Variants in CAPN9 observed in about 807,000 individuals in gnomAD.
CAPN9 encodes the protein calpain 9, also known as calpain-9.
Under a neutral mutation model 92.8 loss-of-function variants are expected in CAPN9, and 81 were observed. The observed-to-expected ratio is 0.87, with a 90% CI of 0.73 to 1.05. CAPN9 has a LOEUF of 1.05. Among genes scored for constraint, CAPN9 ranks in the 50% least tolerant of loss-of-function variants. The pLI, the probability that CAPN9 is intolerant of heterozygous loss-of-function variation, is 0.00. For missense variants in CAPN9, 848 were observed against 866.2 expected (o/e 0.98, Z 0.26); for synonymous variants, 304 against 328.0 (o/e 0.93, Z 0.79).
intron 11 of CAPN9, among the ~76,000 whole-genome samples, 187 bp downstream of exon 11, chr1:230,780,895 C>T (rs1667173874): frequency 6.7e-6 from 1 of 150,192 alleles, no homozygotes; most frequent in East Asian, 1.9e-4. Flanking sequence ...AATGAAGTTT[C>T]ACTCTTGTTG....
rs560253000 is a variant in CAPN9, at chr1:230,767,793, G to A, written c.705+84G>A. The A allele has an allele frequency of 5.4e-5, 71 of 1,309,898 alleles. No individual in the cohort carries two copies. In the East Asian group the frequency reaches 1.6e-3, roughly 30 times the overall value. 81.1% of individuals were successfully genotyped at this position (1,309,898 alleles called of 1,614,324 possible). Reference sequence around the variant, plus strand: ...AGGCACTATGCTGGGGCTGTACCAGGTACCCCAGCCACACCCAAGGAGGGG... The same window carrying A: ...AGGCACTATGCTGGGGCTGTACCAGATACCCCAGCCACACCCAAGGAGGGG... On this transcript the variant is annotated intron_variant, in intron 5 of 19. Transcript: ENST00000271971.
chr1:230,795,135 TC>T (rs763518465), intron 17 of CAPN9, 27 bp from the exon 18 acceptor site: 1 of 1,435,728 alleles, frequency 7.0e-7, no homozygotes, highest in South Asian at 1.1e-5. Context: ...ATACAGCGAG[TC>T]CTGGGTCTCC....
intron 7 of CAPN9, among the ~76,000 whole-genome samples, chr1:230,772,488 G>A (rs894133387): frequency 3.9e-5 from 6 of 152,060 alleles, no homozygotes; most frequent in Non-Finnish European, 7.4e-5. Flanking sequence ...TGTGTATTTG[G>A]AGTGTCGGAA....
chr1:230,785,438 G>C (rs1474403048), intron 11 of CAPN9, among the ~76,000 whole-genome samples: 3 of 152,158 alleles, frequency 2.0e-5, no homozygotes, highest in African/African-American at 7.2e-5. Context: ...GGGGCTTGAT[G>C]GGAGGTGTTT....
intron 16 of CAPN9, 55 bp from the exon 17 acceptor site, chr1:230,792,795 C>G (rs1293475345): frequency 1.4e-6 from 2 of 1,459,162 alleles, no homozygotes; most frequent in Admixed American, 1.7e-5. Context: ...TTACTGCCAT[C>G]AGCGATGCCT....
At chr1:230,754,083 G>T (rs992458061) in intron 1 of CAPN9, among the ~76,000 whole-genome samples, 5 of 151,646 alleles carry the variant, frequency 3.3e-5, no homozygotes, top group African/African-American at 4.9e-5. Flanking sequence ...AGTGGGCGCC[G>T]TGGGTGAGGC....
chr1:230,772,226 C>G, intron 7 of CAPN9, 127 bp downstream of exon 7: 1 of 751,804 alleles, frequency 1.3e-6, no homozygotes, highest in South Asian at 1.7e-5. Flanking sequence ...GATCCTGTCC[C>G]GATTCTGAGG....
At chr1:230,785,910 C>T (rs1667549986) in intron 11 of CAPN9, 71 bp from the exon 12 acceptor site, 6 of 1,413,368 alleles carry the variant, frequency 4.2e-6, no homozygotes, top group Non-Finnish European at 5.0e-6. Context: ...AGGCTCTGGG[C>T]TCTTCAGCTC....
At chr1:230,792,568 C>T in intron 16 of CAPN9, 74 bp downstream of exon 16, 5 of 1,149,486 alleles carry the variant, frequency 4.3e-6, no homozygotes, top group Admixed American at 1.7e-5. Context: ...TAAAATGGTG[C>T]AGCAGGCTGC....
At chr1:230,795,063 T>TAGAA in intron 17 of CAPN9, 100 bp from the exon 18 acceptor site, 1 of 741,896 alleles carries the variant, frequency 1.3e-6, no homozygotes, top group Non-Finnish European at 2.4e-6. Context: ...CTTCCTCTTC[T>TAGAA]GAGCCCTCTC....
At chr1:230,786,581 G>C (rs1667601129) in intron 12 of CAPN9, among the ~76,000 whole-genome samples, 1 of 152,122 alleles carries the variant, frequency 6.6e-6, no homozygotes, top group African/African-American at 2.4e-5. Flanking sequence ...AAGGTTGTGG[G>C]TTTTGCAGCC....
At chr1:230,750,547 G>GT (rs59631080) in intron 1 of CAPN9, among the ~76,000 whole-genome samples, 4,796 of 152,290 alleles carry the variant, frequency 0.031, 248 homozygotes, top group African/African-American at 0.11. Flanking sequence ...AGGGAGCCGG[G>GT]GGGTAGCGGG....
At chr1:230,801,023 C>G (rs533449860) in intron 19 of CAPN9, among the ~76,000 whole-genome samples, 1 of 152,308 alleles carries the variant, frequency 6.6e-6, no homozygotes, top group South Asian at 2.1e-4. Context: ...CATATAATCA[C>G]GTTGCCCCAA....
At position 230,762,691 on chromosome 1, in the gene CAPN9, T is replaced by C; in HGVS notation, c.441T>C (p.Asp147=). 1 of 1,614,178 alleles carries C rather than the reference T, an allele frequency of 6.2e-7. No individual in the cohort carries two copies. The highest frequency in any genetic ancestry group is 8.5e-7 in the Non-Finnish European group (1 of 1,180,008). ...QHSEWLDVVI[D]DRLPTFRDRL... The stretch of plus-strand genomic sequence containing the variant: ...GTGAGTGGCTGGACGTGGTGATCGA[T>C]GACCGCCTGCCCACCTTCAGGGACC... Residue 147 remains aspartate (D), a synonymous_variant, in exon 4 of 20, where the codon GAT becomes GAC. Transcript: ENST00000271971.
intron 19 of CAPN9, among the ~76,000 whole-genome samples, chr1:230,800,216 AAAATAAGAAAGAAAG>A (rs1333300085): frequency 2.5e-5 from 3 of 117,932 alleles, no homozygotes; most frequent in Admixed American, 8.6e-5. Context: ...AAAAGAAAGA[AAAATAAGAAAGAAAG>A]AAGAAAGAAA....
chr1:230,748,894 C>A (rs754626109), intron 1 of CAPN9, among the ~76,000 whole-genome samples: 3 of 152,078 alleles, frequency 2.0e-5, no homozygotes, highest in Admixed American at 6.6e-5. Flanking sequence ...TGGGTGTTTC[C>A]GAAGTGGTAA....
intron 6 of CAPN9, among the ~76,000 whole-genome samples, chr1:230,770,158 C>T (rs1002308054): frequency 2.6e-5 from 4 of 152,250 alleles, no homozygotes; most frequent in South Asian, 2.1e-4. Context: ...AGAAGTCCCA[C>T]GATCTGCTCT....
chr1:230,797,843 A>G (rs562398836), intron 18 of CAPN9, among the ~76,000 whole-genome samples: 71 of 152,240 alleles, frequency 4.7e-4, no homozygotes, highest in African/African-American at 1.6e-3. Flanking sequence ...TCTGGGGCCT[A>G]TGGATTTCAA....
intron 9 of CAPN9, 22 bp downstream of exon 9, chr1:230,779,155 C>T: frequency 6.2e-7 from 1 of 1,609,516 alleles, no homozygotes. Context: ...GCCTGTCACT[C>T]TCTCTGCCAC....
Sources: gnomAD v4.1 joint callset for allele counts (sites outside exome capture counted in the v4.1 genomes callset) on GRCh38, gnomAD v4.1.1 for gene constraint, MANE v1.5 for transcripts, NCBI Gene and HGNC (gene_info 2026-07-23, HGNC 2026-07-21) for gene names.